Variants in GSG1L2 observed in about 807,000 individuals in gnomAD.
GSG1L2 encodes GSG1 like 2.
In GSG1L2, 15 loss-of-function variants were observed where a neutral mutation model predicts 9.0. The observed-to-expected ratio is 1.67, with a 90% CI of 1.12 to 2.57. GSG1L2 has a LOEUF of 2.57. GSG1L2 is among the 30% of genes most tolerant of loss of function. The pLI, the probability that GSG1L2 is intolerant of heterozygous loss-of-function variation, is 0.00. For missense variants in GSG1L2, 286 were observed against 150.3 expected, an observed-to-expected ratio of 1.90 and a Z score of -4.72; for synonymous variants, 127 against 57.9, an observed-to-expected ratio of 2.19 and a Z score of -5.41.
intron 4 of GSG1L2, chr17:9,805,365 G>C (rs545525619): frequency 1.3e-5 from 2 of 148,398 alleles, no homozygotes; most frequent in East Asian, 2.0e-4. Context: ...TGGTCATAAA[G>C]AGAAGAAAAT....
intron 1 of GSG1L2, among the ~76,000 whole-genome samples, chr17:9,814,557 G>A (rs978466261): frequency 2.0e-5 from 3 of 152,204 alleles, no homozygotes; most frequent in Non-Finnish European, 4.4e-5. Context: ...TAGCTTAGAC[G>A]GGTGAGTTCA....
intron 1 of GSG1L2, among the ~76,000 whole-genome samples, chr17:9,816,087 C>T (rs1417459087): frequency 6.6e-6 from 1 of 152,198 alleles, no homozygotes; most frequent in Non-Finnish European, 1.5e-5. Context: ...AAGCCTCTCA[C>T]CAGATGTGCT....
Position 9,816,425 on chromosome 17 carries a change from TGC to T in GSG1L2, c.310+5335_310+5336del, listed in dbSNP as rs1336080643. Among the ~76,000 whole-genome samples, 1,269 of 149,842 alleles carry T rather than the reference TGC, an allele frequency of 8.5e-3. 25 individuals are homozygous for T. Among genetic ancestry groups the T allele is most frequent in the African/African-American group, 0.03 (1,196 of 40,456 alleles). On this transcript the variant is annotated intron_variant, in intron 1 of 4. Transcript: ENST00000399363. ...GTGTGTGTGTGTGTGTCTGTGTGTGTGCGTGTGTCTCTCTGTGTGCGTGTGTC... is the reference window on the plus strand; with the variant it reads ...GTGTGTGTGTGTGTGTCTGTGTGTGTGTGTGTCTCTCTGTGTGCGTGTGTC...
intron 2 of GSG1L2, chr17:9,809,985 C>T (rs1378338544): frequency 6.5e-6 from 1 of 153,098 alleles, no homozygotes; most frequent in African/African-American, 2.4e-5. Context: ...CCACCTGTGG[C>T]TTCAAGGAAC....
chr17:9,816,836 CTGTG>C (rs1301266789), intron 1 of GSG1L2, among the ~76,000 whole-genome samples: 2 of 138,798 alleles, frequency 1.4e-5, no homozygotes, highest in African/African-American at 2.8e-5. Flanking sequence ...GTCTGTGTAT[CTGTG>C]TGTGTTTCTG....
chr17:9,812,282 G>A (rs1454478067), intron 1 of GSG1L2, among the ~76,000 whole-genome samples: 1 of 152,002 alleles, frequency 6.6e-6, no homozygotes, highest in African/African-American at 2.4e-5. Flanking sequence ...TCTTTTATAG[G>A]AGAGAAAACC....
Position 9,809,174 on chromosome 17 carries a change from G to A in GSG1L2, c.359-192C>T, listed in dbSNP as rs112348661. On this transcript the variant is annotated intron_variant, in intron 2 of 4. Coordinates refer to ENST00000399363, the MANE Select transcript of GSG1L2 (RefSeq NM_001310219.2). Reference sequence around the variant, plus strand: ...CTCCTCAGGGCTGAAAGAGACGGTTGTAGGGATTGCCCGTAGCTGAACGGG... The same window carrying A: ...CTCCTCAGGGCTGAAAGAGACGGTTATAGGGATTGCCCGTAGCTGAACGGG... 3,602 of 569,412 alleles carry A rather than the reference G, an allele frequency of 6.3e-3. 19 individuals are homozygous for A. Among genetic ancestry groups the A allele is most frequent in the Non-Finnish European group, 8.8e-3 (2,805 of 317,764 alleles). 35.3% of individuals were successfully genotyped at this position (569,412 alleles called of 1,614,324 possible). A position where few individuals can be genotyped will look rare whatever the true frequency, so the allele number is the denominator to read the frequency against.
At chr17:9,805,649 C>A (rs888425779) in intron 4 of GSG1L2, 1 of 152,124 alleles carries the variant, frequency 6.6e-6, no homozygotes, top group African/African-American at 2.4e-5. Context: ...GAAGATAATT[C>A]AATGGGACCT....
Position 9,816,390 on chromosome 17 carries a change from CTGTGTCTGTGTGTGTGTGTG to C in GSG1L2, c.310+5352_310+5371del, listed in dbSNP as rs1359227031. ...TGTGTCTGTGTGTGTGCGTGTGTGT[CTGTGTCTGTGTGTGTGTGTG>C]TGTGTCTGTGTGTGTGCGTGTGTCT... On this transcript the variant is annotated intron_variant, in intron 1 of 4. Transcript: ENST00000399363. 5.4e-5 allele frequency among the ~76,000 whole-genome samples: 8 copies of C among 148,068 alleles called. No homozygotes were observed. In the South Asian group the frequency reaches 8.7e-4, roughly 16 times the overall value.
Position 9,808,987 on chromosome 17 carries a change from C to G in GSG1L2, c.359-5G>C. On this transcript the variant is annotated splice_polypyrimidine_tract_variant and splice_region_variant and intron_variant, in intron 2 of 4. Transcript: ENST00000399363. ...CGATGGACAGCCACAAAACACCTGC[C>G]AAAGAACGGGATGTTGGAAACGCTG... is the stretch of plus-strand genomic sequence containing the variant. 1.4e-6 allele frequency: 1 copy of G among 703,026 alleles called. No homozygotes were observed. The highest frequency in any genetic ancestry group is 1.5e-5 in the South Asian group (1 of 67,598). 43.5% of individuals were successfully genotyped at this position (703,026 alleles called of 1,614,324 possible).
Position 9,820,876 on chromosome 17 carries a change from T to C in GSG1L2, c.310+886A>G, listed in dbSNP as rs922299242. The stretch of plus-strand genomic sequence containing the variant: ...CACTATGTTGCCTATGTTGCCAGGC[T>C]GGTCTGTAACTCCTGGTCTCAAGTG... On this transcript the variant is annotated intron_variant, in intron 1 of 4. Transcript: ENST00000399363. This position sits in a 1 kb window ranked among gnomAD's most constrained non-coding sequence, Gnocchi z 4.9. Among the ~76,000 whole-genome samples the C allele has an allele frequency of 6.6e-6, 1 of 152,082 alleles. No individual in the cohort carries two copies. The highest frequency in any genetic ancestry group is 1.5e-5 in the Non-Finnish European group (1 of 68,014).
chr17:9,816,594 CTGTG>C lies in GSG1L2; in HGVS notation c.310+5164_310+5167del, dbSNP rs545536736. Among the ~76,000 whole-genome samples the C allele has an allele frequency of 9.1e-5, 10 of 109,948 alleles. No homozygotes were observed. In the South Asian group the frequency reaches 3.2e-3, roughly 35 times the overall value. 72.1% of individuals were successfully genotyped at this position (109,948 alleles called of 152,430 possible). ...TGTGTCTGTGTGTGCACGTGCGTGT[CTGTG>C]TGTCTGTGTGTGTCTGTGTGTCTGT... On this transcript the variant is annotated intron_variant, in intron 1 of 4. Coordinates refer to ENST00000399363, the MANE Select transcript of GSG1L2 (RefSeq NM_001310219.2).
chr17:9,807,678 T>C (rs2066521370), intron 3 of GSG1L2, 77 bp from the exon 4 acceptor site: 3 of 697,584 alleles, frequency 4.3e-6, no homozygotes, highest in Admixed American at 4.0e-5. Flanking sequence ...GAGTTGGCTG[T>C]AAGGAGCTCT....
chr17:9,808,882 C>A lies in GSG1L2; in HGVS notation c.459G>T (p.Gly153=). 1.4e-6 allele frequency: 1 copy of A among 703,004 alleles called. No homozygotes were observed. Among genetic ancestry groups the A allele is most frequent in the East Asian group, 2.7e-5 (1 of 37,282 alleles). 43.5% of individuals were successfully genotyped at this position (703,004 alleles called of 1,614,324 possible). The change falls in exon 3 of 5, where the codon GGG becomes GGT. Residue 153 remains glycine, a synonymous_variant. Transcript: ENST00000399363. Reference sequence around the variant, plus strand: ...AGGCATCCACCCTGAGCCAGTGGAACCCAGGGCTGCGACAACTCACTCTGG... The same window carrying A: ...AGGCATCCACCCTGAGCCAGTGGAAACCAGGGCTGCGACAACTCACTCTGG... ...LGSRVSCRSP[G]FHWLRVDALV...
At chr17:9,811,685 T>C (rs1202501115) in intron 1 of GSG1L2, among the ~76,000 whole-genome samples, 3 of 152,162 alleles carry the variant, frequency 2.0e-5, no homozygotes, top group African/African-American at 7.2e-5. Context: ...AATCATCTGG[T>C]TCATCCCCAC....
At chr17:9,814,852 G>T (rs932919703) in intron 1 of GSG1L2, among the ~76,000 whole-genome samples, 79 of 152,268 alleles carry the variant, frequency 5.2e-4, no homozygotes, top group African/African-American at 1.9e-3. Flanking sequence ...TGGGGTGCCT[G>T]TGTCCCTCTG....
At chr17:9,805,900 G>A (rs3842952) in intron 4 of GSG1L2, among the ~76,000 whole-genome samples, 94,179 of 151,308 alleles carry the variant, frequency 0.62, 29,329 homozygotes, top group Middle Eastern at 0.72. Flanking sequence ...GCTTCCTTAC[G>A]GAGAACATTT....
chr17:9,816,922 G>GTCTCTC (rs879662274), intron 1 of GSG1L2, among the ~76,000 whole-genome samples: 4 of 148,786 alleles, frequency 2.7e-5, no homozygotes, highest in Non-Finnish European at 4.4e-5. Flanking sequence ...GTGTGTGTGT[G>GTCTCTC]TGTGTGTGTG....
At chr17:9,810,868 G>A (rs1471451845) in intron 1 of GSG1L2, 1 of 530,354 alleles carries the variant, frequency 1.9e-6, no homozygotes, top group African/African-American at 1.9e-5. Flanking sequence ...GCAGCTTTAA[G>A]AGCCAGTGTC....
Sources: allele counts gnomAD v4.1 joint callset (sites outside exome capture counted in the v4.1 genomes callset), GRCh38; gene constraint gnomAD v4.1.1; non-coding constraint Gnocchi (gnomAD v3.1); transcripts MANE v1.5; gene names NCBI Gene and HGNC (gene_info 2026-07-23, HGNC 2026-07-21).